Variants in SLC30A4 observed in about 807,000 individuals in gnomAD.
The protein encoded by SLC30A4 is solute carrier family 30 member 4.
SLC30A4 carries 20 observed loss-of-function variants against 41.7 expected under a neutral mutation model. The observed-to-expected ratio is 0.48, with a 90% confidence interval of 0.34 to 0.70. SLC30A4 has a LOEUF of 0.70. Ranked by LOEUF, SLC30A4 falls within the 30% of genes least tolerant of loss-of-function variation. The probability of loss-of-function intolerance (pLI) is 0.01; values close to 1 mark genes in which losing one functional copy is unlikely to be tolerated. For synonymous variants in SLC30A4, 181 were observed against 195.9 expected (o/e 0.92, Z 0.64); for missense variants, 441 against 529.3 (o/e 0.83, Z 1.64).
At position 45,488,965 on chromosome 15, in the gene SLC30A4, C is replaced by A. The variant is rs751042339; in HGVS notation, c.770G>T (p.Gly257Val). 12 of 1,613,966 alleles carry A rather than the reference C, an allele frequency of 7.4e-6. No individual in the cohort carries two copies. The Admixed American group carries it at 2.0e-4, about 27-fold the overall frequency. Residue 257 changes from glycine to valine, a missense_variant, in exon 5 of 8, where the codon GGT becomes GTT. Gly to Val is a moderately radical substitution (Grantham distance 109). Coordinates refer to ENST00000261867, the MANE Select transcript of SLC30A4 (RefSeq NM_013309.6). ...HSLPSNSPTR[G>V]SGCERNHGQD... ...CCCATGGTTACGTTCACACCCAGAA[C>A]CTCTGGTAGGGGAATTTGAAGGCAG...
chr15:45,480,476 A>G lies in SLC30A4; in HGVS notation c.*4687T>C, dbSNP rs1566872588. Reference sequence around the variant, plus strand: ...GATATTAAACTTTATCAATTATTCGAAGATCAGACTTGCCTCCCCTCAACA... The same window carrying G: ...GATATTAAACTTTATCAATTATTCGGAGATCAGACTTGCCTCCCCTCAACA... On this transcript the variant is annotated 3_prime_UTR_variant, in exon 8 of 8. Transcript: ENST00000261867. The G allele has an allele frequency of 2.0e-5, 3 of 152,206 alleles. No individual in the cohort carries two copies. In the South Asian group the frequency reaches 6.2e-4, roughly 32 times the overall value. 9.4% of individuals were successfully genotyped at this position (152,206 alleles called of 1,614,324 possible).
chr15:45,497,325 C>T (rs1469480123), intron 3 of SLC30A4: 2 of 152,212 alleles, frequency 1.3e-5, no homozygotes, highest in Non-Finnish European at 1.5e-5. Flanking sequence ...CAGTATCAGC[C>T]TCCCAAACTG....
intron 6 of SLC30A4, 54 bp downstream of exon 6, chr15:45,487,473 C>A: frequency 1.1e-6 from 1 of 880,950 alleles, no homozygotes; most frequent in South Asian, 1.4e-5. Flanking sequence ...CCCTGACTCC[C>A]AATCTGCTTT....
At chr15:45,514,879 C>T (rs1892418908) in intron 2 of SLC30A4, among the ~76,000 whole-genome samples, 2 of 151,932 alleles carry the variant, frequency 1.3e-5, no homozygotes, top group South Asian at 4.1e-4. Context: ...TGAGAGAGTA[C>T]CTTAATTCAT....
At chr15:45,485,700 G>T (rs183089782) in intron 7 of SLC30A4, among the ~76,000 whole-genome samples, 42 of 151,926 alleles carry the variant, frequency 2.8e-4, no homozygotes, top group Admixed American at 1.1e-3. Flanking sequence ...GTAGAAAAGA[G>T]CATGGGAAAT....
intron 3 of SLC30A4, among the ~76,000 whole-genome samples, chr15:45,493,646 T>G (rs928549592): frequency 2.7e-4 from 41 of 151,896 alleles, no homozygotes; most frequent in African/African-American, 9.9e-4. Context: ...GCCAATATGG[T>G]GAAACACTAT....
intron 2 of SLC30A4, chr15:45,519,502 A>C (rs1184237905): frequency 6.6e-6 from 1 of 152,200 alleles, no homozygotes; most frequent in Non-Finnish European, 1.5e-5. Flanking sequence ...TGCTTTATTT[A>C]TAAGCGCTTT....
chr15:45,516,618 C>T (rs1892487161), intron 2 of SLC30A4, among the ~76,000 whole-genome samples: 1 of 152,092 alleles, frequency 6.6e-6, no homozygotes, highest in Non-Finnish European at 1.5e-5. Flanking sequence ...CCTGTAATCC[C>T]AGCACTTTGG....
At chr15:45,506,122 G>T (rs1486168213) in intron 3 of SLC30A4, among the ~76,000 whole-genome samples, 3 of 152,148 alleles carry the variant, frequency 2.0e-5, no homozygotes, top group African/African-American at 7.2e-5. Context: ...GAGAGGCTGA[G>T]GTGGGAGGAT....
intron 2 of SLC30A4, among the ~76,000 whole-genome samples, chr15:45,514,563 G>C (rs1484793939): frequency 7.5e-6 from 1 of 133,610 alleles, no homozygotes; most frequent in Non-Finnish European, 1.6e-5. Context: ...CACCCAGGTT[G>C]GAGTACAGTG....
intron 3 of SLC30A4, among the ~76,000 whole-genome samples, chr15:45,493,722 A>G (rs1891853936): frequency 6.6e-6 from 1 of 152,144 alleles, no homozygotes; most frequent in Non-Finnish European, 1.5e-5. Context: ...GCTACTCAGG[A>G]GGCTGAGGCA....
intron 3 of SLC30A4, 28 bp downstream of exon 3, chr15:45,511,110 T>C (rs766182062): frequency 6.3e-7 from 1 of 1,586,338 alleles, no homozygotes; most frequent in Non-Finnish European, 8.6e-7. Context: ...TAAAATATTA[T>C]AAAGCAAAAG....
chr15:45,490,841 T>C lies in SLC30A4; in HGVS notation c.579A>G (p.Ile193Met), dbSNP rs150417914. The C allele has an allele frequency of 1.6e-5, 25 of 1,605,994 alleles. No individual in the cohort carries two copies. In the African/African-American group the frequency reaches 3.1e-4, roughly 20 times the overall value. Residue 193 changes from isoleucine (I) to methionine (M), a missense_variant, in exon 4 of 8, where the codon ATA becomes ATG. Coordinates refer to ENST00000261867, the MANE Select transcript of SLC30A4 (RefSeq NM_013309.6). ...SAMISVLLVY[I>M]LMGFLLYEAV... ...CTTCATATAAGAGGAATCCCATAAGTATATACACCAACAGCACACTAATCA... is the reference window on the plus strand; with the variant it reads ...CTTCATATAAGAGGAATCCCATAAGCATATACACCAACAGCACACTAATCA...
chr15:45,497,225 G>A (rs1891925104), intron 3 of SLC30A4: 1 of 151,996 alleles, frequency 6.6e-6, no homozygotes, highest in Non-Finnish European at 1.5e-5. Flanking sequence ...ATGTCACCAT[G>A]CTCGGCTAAC....
At position 45,482,709 on chromosome 15, in the gene SLC30A4, G is replaced by A. The variant is rs1297718261; in HGVS notation, c.*2454C>T. The A allele has an allele frequency of 1.3e-5, 2 of 151,950 alleles. No homozygotes were observed. The highest frequency in any genetic ancestry group is 1.3e-4 in the Admixed American group (2 of 15,258). The allele number at this position is 151,950 out of a possible 1,614,324, so 9.4% of individuals were successfully genotyped here. On this transcript the variant is annotated 3_prime_UTR_variant, in exon 8 of 8. Transcript: ENST00000261867. Reference sequence around the variant, plus strand: ...ATGTAAGAATATTTTGATTTAAATAGTTTATATGCTCCTGAAATTTCTGAG... The same window carrying A: ...ATGTAAGAATATTTTGATTTAAATAATTTATATGCTCCTGAAATTTCTGAG...
intron 2 of SLC30A4, among the ~76,000 whole-genome samples, chr15:45,513,382 CTT>C (rs746584532): frequency 3.7e-5 from 5 of 136,644 alleles, no homozygotes; most frequent in Non-Finnish European, 3.2e-5. Context: ...ATCTTTTTAT[CTT>C]TTTTTTTTTT....
chr15:45,515,925 CTTTG>C (rs1272787262), intron 2 of SLC30A4: 6 of 151,758 alleles, frequency 4.0e-5, no homozygotes, highest in Admixed American at 2.6e-4. Flanking sequence ...ATTTTTCTTT[CTTTG>C]TTTCTTTTTT....
chr15:45,490,921 T>C (rs1891798813), intron 3 of SLC30A4, 40 bp from the exon 4 acceptor site: 4 of 1,399,770 alleles, frequency 2.9e-6, no homozygotes, highest in African/African-American at 1.4e-5. Context: ...ATTTTCAGCA[T>C]GGTTACTACA....
Position 45,494,754 on chromosome 15 carries a change from C to G in SLC30A4, c.539-3873G>C, listed in dbSNP as rs117685275. On this transcript the variant is annotated intron_variant, in intron 3 of 7. Transcript: ENST00000261867. ...TTTTAAAAATTCGAAACTGTAGAAT[C>G]TCATGTGCTTGTGGTAGCCTCCTAC... Among the ~76,000 whole-genome samples, 1,071 of 152,208 alleles carry G rather than the reference C, an allele frequency of 7.0e-3. 10 individuals carry two copies. The highest frequency in any genetic ancestry group is 0.024 in the Middle Eastern group (7 of 294).
Sources: allele counts gnomAD v4.1 joint callset (sites outside exome capture counted in the v4.1 genomes callset), GRCh38; gene constraint gnomAD v4.1.1; transcripts MANE v1.5; gene names NCBI Gene and HGNC (gene_info 2026-07-23, HGNC 2026-07-21).